The following LIMA1 variants were observed in gnomAD, a reference collection of about 807,000 sequenced individuals.
LIMA1 encodes the protein LIM domain and actin-binding protein 1.
In LIMA1, 52 loss-of-function variants were observed where a neutral mutation model predicts 62.6. The ratio of observed to expected loss-of-function variants is 0.83; its 90% CI spans 0.67 to 1.05. The LOEUF (loss-of-function observed/expected upper bound fraction) is 1.05, where lower values mean the gene tolerates loss of function less well. LIMA1 is among the 50% of genes least tolerant of loss of function. LIMA1 has a pLI of 0.00. For synonymous variants in LIMA1, 302 were observed against 317.8 expected, an observed-to-expected ratio of 0.95 and a Z score of 0.53; for missense variants, 780 against 902.2, an observed-to-expected ratio of 0.86 and a Z score of 1.74.
chr12:50,196,363 C>T (rs972448571), intron 7 of LIMA1, among the ~76,000 whole-genome samples: 2 of 152,104 alleles, frequency 1.3e-5, no homozygotes, highest in Non-Finnish European at 2.9e-5. Context: ...ACGAGCTTGC[C>T]TATATAGAAG....
chr12:50,184,860 C>G (rs1345530577), intron 9 of LIMA1, among the ~76,000 whole-genome samples: 1 of 152,020 alleles, frequency 6.6e-6, no homozygotes, highest in Non-Finnish European at 1.5e-5. Context: ...GAGACAGAGT[C>G]TCACTCTGTC....
In LIMA1 at chr12:50,251,493, C is replaced by A. The variant is rs10128973; in HGVS notation, c.-23-2719G>T. Among the ~76,000 whole-genome samples, 236 of 151,846 alleles carry A rather than the reference C, an allele frequency of 1.6e-3. 1 individual carries two copies. The highest frequency in any genetic ancestry group is 5.2e-3 in the African/African-American group (215 of 41,416). ...AAAATTAGCCAGGTGTGGTGGTACA[C>A]CCCTGTAATCCCAGCTACTTGAGAG... On this transcript the variant is annotated intron_variant, in intron 1 of 10. Coordinates refer to ENST00000341247, the MANE Select transcript of LIMA1 (RefSeq NM_016357.5).
chr12:50,261,516 C>G (rs962868658), intron 1 of LIMA1, among the ~76,000 whole-genome samples: 2 of 152,158 alleles, frequency 1.3e-5, no homozygotes, highest in Admixed American at 1.3e-4. Context: ...CTGCTACCCT[C>G]TGTCTGAAAA....
intron 4 of LIMA1, among the ~76,000 whole-genome samples, chr12:50,209,046 G>C (rs536616070): frequency 6.8e-6 from 1 of 147,914 alleles, no homozygotes; most frequent in Non-Finnish European, 1.5e-5. Flanking sequence ...GCCCAGGCTG[G>C]TCTCAAACTC....
intron 4 of LIMA1, among the ~76,000 whole-genome samples, chr12:50,212,368 A>G (rs1941272896): frequency 6.6e-6 from 1 of 152,196 alleles, no homozygotes; most frequent in African/African-American, 2.4e-5. Context: ...TTTTAGGGAA[A>G]AATGGAGCTT....
intron 4 of LIMA1, among the ~76,000 whole-genome samples, chr12:50,213,926 C>G (rs1941300092): frequency 6.6e-6 from 1 of 151,972 alleles, no homozygotes; most frequent in African/African-American, 2.4e-5. Flanking sequence ...TGAGTGGTCT[C>G]TAGCTGGCAC....
intron 2 of LIMA1, among the ~76,000 whole-genome samples, chr12:50,247,789 C>T (rs7979830): frequency 0.32 from 48,355 of 151,534 alleles, 7,998 homozygotes; most frequent in South Asian, 0.48. Flanking sequence ...CCACCATGCT[C>T]GACTAATATT....
intron 2 of LIMA1, among the ~76,000 whole-genome samples, chr12:50,247,336 C>T (rs993457775): frequency 6.6e-6 from 1 of 151,878 alleles, no homozygotes; most frequent in Non-Finnish European, 1.5e-5. Flanking sequence ...ACTTTGAACT[C>T]CCCCTTTTCT....
At chr12:50,227,492 A>T (rs1210481042) in intron 3 of LIMA1, among the ~76,000 whole-genome samples, 2 of 152,040 alleles carry the variant, frequency 1.3e-5, no homozygotes, top group Non-Finnish European at 2.9e-5. Context: ...CACCCGCCTC[A>T]GCCGGGATTA....
chr12:50,195,563 G>A, intron 8 of LIMA1: 1 of 323,586 alleles, frequency 3.1e-6, no homozygotes, highest in East Asian at 5.0e-5. Flanking sequence ...CTTCAATTCT[G>A]AAAGGGTTTG....
intron 1 of LIMA1, among the ~76,000 whole-genome samples, chr12:50,263,879 A>AGT (rs1209874758): frequency 1.6e-5 from 2 of 121,380 alleles, no homozygotes; most frequent in African/African-American, 3.2e-5. Flanking sequence ...ATATATATAA[A>AGT]GTATATATAT....
intron 1 of LIMA1, among the ~76,000 whole-genome samples, chr12:50,251,529 G>A (rs1941930339): frequency 6.6e-6 from 1 of 150,988 alleles, no homozygotes; most frequent in African/African-American, 2.4e-5. Flanking sequence ...GCTGAGGCAG[G>A]AGAATCACTT....
chr12:50,272,185 T>G (rs1436866251), intron 1 of LIMA1, among the ~76,000 whole-genome samples: 1 of 152,122 alleles, frequency 6.6e-6, no homozygotes, highest in Non-Finnish European at 1.5e-5. Context: ...TTGCTCAATC[T>G]GAAGAGTCAG....
At chr12:50,257,677 C>T (rs1195786855) in intron 1 of LIMA1, among the ~76,000 whole-genome samples, 2 of 152,212 alleles carry the variant, frequency 1.3e-5, no homozygotes, top group Non-Finnish European at 2.9e-5. Context: ...TCTTTTTCTT[C>T]CTCTGACCCC....
chr12:50,252,318 G>A (rs1359630168), intron 1 of LIMA1, among the ~76,000 whole-genome samples: 1 of 152,094 alleles, frequency 6.6e-6, no homozygotes, highest in East Asian at 1.9e-4. Flanking sequence ...GGTGGCTCAC[G>A]CCTATAATCC....
At chr12:50,181,383 T>C (rs1404811906) in intron 10 of LIMA1, among the ~76,000 whole-genome samples, 2 of 152,212 alleles carry the variant, frequency 1.3e-5, no homozygotes, top group Non-Finnish European at 2.9e-5. Flanking sequence ...AATGAGTTAA[T>C]TTGGAATGTT....
At chr12:50,197,939 G>A (rs1940966104) in intron 7 of LIMA1, among the ~76,000 whole-genome samples, 1 of 151,982 alleles carries the variant, frequency 6.6e-6, no homozygotes, top group South Asian at 2.1e-4. Context: ...TTAATACATG[G>A]CATGTGCCTC....
chr12:50,281,994 T>C (rs1390000023), intron 1 of LIMA1, among the ~76,000 whole-genome samples: 1 of 152,202 alleles, frequency 6.6e-6, no homozygotes, highest in Non-Finnish European at 1.5e-5. Flanking sequence ...AGGACTGACA[T>C]GAAAGGCACT....
chr12:50,266,997 T>G (rs1055909896), intron 1 of LIMA1, among the ~76,000 whole-genome samples: 2 of 151,878 alleles, frequency 1.3e-5, no homozygotes, highest in Admixed American at 1.3e-4. Flanking sequence ...TGGGTTCCAG[T>G]GATTCTCCTG....
Sources: gnomAD v4.1 joint callset for allele counts (sites outside exome capture counted in the v4.1 genomes callset) on GRCh38, gnomAD v4.1.1 for gene constraint, MANE v1.5 for transcripts, NCBI Gene and HGNC (gene_info 2026-07-23, HGNC 2026-07-21) for gene names.